Variants in HNF1A observed in about 807,000 individuals in gnomAD.
HNF1A encodes hepatocyte nuclear factor 1-alpha.
HNF1A carries 21 observed loss-of-function variants against 62.2 expected under a neutral mutation model. That is an observed-to-expected ratio of 0.34 (90% CI 0.24 to 0.49). The LOEUF (loss-of-function observed/expected upper bound fraction) is 0.49. HNF1A is among the 20% of genes least tolerant of loss of function. The pLI is 0.99. For missense variants in HNF1A, 687 were observed against 832.3 expected (o/e 0.83, Z 2.15); for synonymous variants, 374 against 366.8 (o/e 1.02, Z -0.22).
rs1167388900 is a variant in HNF1A at position 121,001,732 on chromosome 12, C to T, written c.*540C>T. The T allele has an allele frequency of 5.7e-6, 3 of 528,568 alleles. No homozygotes were observed. Among genetic ancestry groups the T allele is most frequent in the South Asian group, 3.1e-5 (2 of 63,968 alleles). The allele number at this position is 528,568 out of a possible 1,614,324, so 32.7% of individuals were successfully genotyped here. A position where few individuals can be genotyped will look rare whatever the true frequency, so the allele number is the denominator to read the frequency against. On this transcript the variant is annotated 3_prime_UTR_variant, in exon 10 of 10. Transcript: ENST00000257555. ...ACCCACATGCCATTTGTACTGACCC[C>T]ATCACCTACTCACACAGGCATTTCC...
chr12:121,000,969 G>A lies in HNF1A; in HGVS notation c.1769-96G>A, dbSNP rs1214118869. The A allele has an allele frequency of 2.6e-6, 4 of 1,525,544 alleles. No individual in the cohort carries two copies. In the African/African-American group the frequency reaches 4.1e-5, roughly 16 times the overall value. 94.5% of individuals were successfully genotyped at this position (1,525,544 alleles called of 1,614,324 possible). A position where few individuals can be genotyped will look rare whatever the true frequency, so the allele number is the denominator to read the frequency against. On this transcript the variant is annotated intron_variant, in intron 9 of 9. Transcript: ENST00000257555. Reference sequence around the variant, plus strand: ...TTATCTGCTGTGATCCAGGAGGTGTGGCCCTGCCTCCCCATCCTGAGTACC... The same window carrying A: ...TTATCTGCTGTGATCCAGGAGGTGTAGCCCTGCCTCCCCATCCTGAGTACC...
At position 121,001,372 on chromosome 12, in the gene HNF1A, C is replaced by T. The variant is rs560506378; in HGVS notation, c.*180C>T. ...GGGAGGGCTCTGAGGCGCCCCAACC[C>T]GTGGAGGCTGCTCGGGGTGCACAGG... On this transcript the variant is annotated 3_prime_UTR_variant, in exon 10 of 10. Transcript: ENST00000257555. 21 of 741,052 alleles carry T rather than the reference C, an allele frequency of 2.8e-5. No individual in the cohort carries two copies. The highest frequency in any genetic ancestry group is 7.1e-5 in the South Asian group (4 of 56,256). The allele number at this position is 741,052 out of a possible 1,614,324, so 45.9% of individuals were successfully genotyped here. A position where few individuals can be genotyped will look rare whatever the true frequency, so the allele number is the denominator to read the frequency against.
chr12:120,982,326 TC>T (rs1177735885), intron 1 of HNF1A, among the ~76,000 whole-genome samples: 1 of 152,122 alleles, frequency 6.6e-6, no homozygotes, highest in Non-Finnish European at 1.5e-5. Context: ...CGCCTCGGCC[TC>T]CCAAAGTGCT....
rs1876642303 is a variant in HNF1A, at chr12:120,988,472, T to TCATCCATTCACCCATCCATC, written c.327-354_327-335dup. ...TCCGTCCATCCACCCATTCATCCAT[T>TCATCCATTCACCCATCCATC]CATCCATTCACCCATCCATCCATCC... On this transcript the variant is annotated intron_variant, in intron 1 of 9. Coordinates refer to ENST00000257555, the MANE Select transcript of HNF1A (RefSeq NM_000545.8). Among the ~76,000 whole-genome samples the TCATCCATTCACCCATCCATC allele has an allele frequency of 2.4e-4, 36 of 151,960 alleles. 1 individual carries two copies. In the South Asian group the frequency reaches 7.1e-3, roughly 30 times the overall value.
rs761346574 is a variant in HNF1A, at chr12:121,001,214, G to C, written c.*22G>C. ...GTAACCACGGCACCTGGGCCCTGGGGCCTGTACTGCCTGCTTGGGGGGTGA... is the reference window on the plus strand; with the variant it reads ...GTAACCACGGCACCTGGGCCCTGGGCCCTGTACTGCCTGCTTGGGGGGTGA... On this transcript the variant is annotated 3_prime_UTR_variant, in exon 10 of 10. Transcript: ENST00000257555. The C allele has an allele frequency of 3.1e-6, 5 of 1,612,956 alleles. No individual in the cohort carries two copies. The highest frequency in any genetic ancestry group is 2.5e-6 in the Non-Finnish European group (3 of 1,179,716).
At chr12:120,989,101 G>A (rs1025339149) in intron 2 of HNF1A, 69 bp downstream of exon 2, 7 of 1,470,000 alleles carry the variant, frequency 4.8e-6, no homozygotes, top group Non-Finnish European at 6.6e-6. Context: ...CATAGGTGGG[G>A]GCTGGAAGCT....
chr12:120,993,477 TGA>T (rs998679949), intron 2 of HNF1A, 41 bp from the exon 3 acceptor site: 1 of 1,593,570 alleles, frequency 6.3e-7, no homozygotes, highest in African/African-American at 1.3e-5. Context: ...CGTGGGAAGG[TGA>T]GAGTGGCCAG....
At position 120,994,417 on chromosome 12, in the gene HNF1A, G is replaced by A. The variant is rs2135842848; in HGVS notation, c.955+12G>A. Reference sequence around the variant, plus strand: ...CAGTAAGGTCCACGGTAAGTGGTATGTGGGGACAAGGGACACGTGGGAAGG... The same window carrying A: ...CAGTAAGGTCCACGGTAAGTGGTATATGGGGACAAGGGACACGTGGGAAGG... On this transcript the variant is annotated intron_variant, in intron 4 of 9. Transcript: ENST00000257555. The A allele has an allele frequency of 6.3e-7, 1 of 1,582,644 alleles. No individual in the cohort carries two copies. Among genetic ancestry groups the A allele is most frequent in the Non-Finnish European group, 8.6e-7 (1 of 1,162,874 alleles).
intron 1 of HNF1A, among the ~76,000 whole-genome samples, chr12:120,988,579 G>T (rs1876652479): frequency 6.6e-6 from 1 of 152,218 alleles, no homozygotes; most frequent in Non-Finnish European, 1.5e-5. Flanking sequence ...CCATAGGCCT[G>T]TGTCCACGTT....
chr12:120,996,491 G>A lies in HNF1A; in HGVS notation c.1108-50G>A. 6.2e-7 allele frequency: 1 copy of A among 1,613,200 alleles called. No individual in the cohort carries two copies. Among genetic ancestry groups the A allele is most frequent in the Non-Finnish European group, 8.5e-7 (1 of 1,179,766 alleles). On this transcript the variant is annotated intron_variant, in intron 5 of 9. Transcript: ENST00000257555. This position sits in a 1 kb window ranked among gnomAD's most constrained non-coding sequence, Gnocchi z 4.5. ...AGATTCTGGAGCAGTCCCTAGGGAG[G>A]CCCTGTGGGGACCCCGGCCCCCCGG...
At chr12:120,994,038 TG>T in intron 3 of HNF1A, 125 bp from the exon 4 acceptor site, 1 of 1,314,642 alleles carries the variant, frequency 7.6e-7, no homozygotes, top group Non-Finnish European at 1.1e-6. Flanking sequence ...GACCTGGCAT[TG>T]GAACCCAGAT....
rs372624970 is a variant in HNF1A, at chr12:120,999,376, C to T, written c.1610C>T (p.Thr537Met). 16 of 1,614,060 alleles carry T rather than the reference C, an allele frequency of 9.9e-6. No individual in the cohort carries two copies. The highest frequency in any genetic ancestry group is 1.3e-5 in the Non-Finnish European group (15 of 1,180,034). ...AACCTGAGCGCCCTGGCCAGCCTCACGCCCACCAAGCAGGTAAGGTCCAGG... is the reference window on the plus strand; with the variant it reads ...AACCTGAGCGCCCTGGCCAGCCTCATGCCCACCAAGCAGGTAAGGTCCAGG... ...TTNLSALASL[T>M]PTKQVFTSDT... The change falls in exon 8 of 10, where the codon ACG (threonine) becomes ATG (methionine). Residue 537 changes from threonine to methionine, a missense_variant. Physicochemically the swap from Thr to Met is moderately conservative, Grantham distance 81 (BLOSUM62 -1). Coordinates refer to ENST00000257555, the MANE Select transcript of HNF1A (RefSeq NM_000545.8).
chr12:120,993,485 G>A, intron 2 of HNF1A, 35 bp from the exon 3 acceptor site: 1 of 1,608,668 alleles, frequency 6.2e-7, no homozygotes, highest in Non-Finnish European at 8.5e-7. Context: ...GGTGAGAGTG[G>A]CCAGTACCCC....
Position 120,978,712 on chromosome 12 carries a change from T to G in HNF1A, c.-57T>G. On this transcript the variant is annotated 5_prime_UTR_variant, in exon 1 of 10. Transcript: ENST00000257555. Reference sequence around the variant, plus strand: ...CGGCAGGCAAACGCAACCCACGCGGTGGGGGAGGCGGCTAGCGTGGTGGAC... The same window carrying G: ...CGGCAGGCAAACGCAACCCACGCGGGGGGGGAGGCGGCTAGCGTGGTGGAC... 1 of 1,525,120 alleles carries G rather than the reference T, an allele frequency of 6.6e-7. No individual in the cohort carries two copies. Among genetic ancestry groups the G allele is most frequent in the Non-Finnish European group, 9.1e-7 (1 of 1,104,032 alleles). 94.5% of individuals were successfully genotyped at this position (1,525,120 alleles called of 1,614,324 possible).
In HNF1A at chr12:120,996,411, C is replaced by T; in HGVS notation, c.1105C>T (p.Leu369=). 1 of 1,614,218 alleles carries T rather than the reference C, an allele frequency of 6.2e-7. No individual in the cohort carries two copies. Among genetic ancestry groups the T allele is most frequent in the African/African-American group, 1.3e-5 (1 of 75,056 alleles). Residue 369 remains leucine, a splice_region_variant and synonymous_variant, in exon 5 of 10, where the codon CTG becomes TTG. Coordinates refer to ENST00000257555, the MANE Select transcript of HNF1A (RefSeq NM_000545.8). The surrounding 1 kb of genome is among the most constrained non-coding windows in gnomAD (Gnocchi z 4.5). ...SHSLLSTEAK[L]VSAAGGPLPP... Reference sequence around the variant, plus strand: ...CAGCCTGCTGAGTACAGAAGCCAAGCTGGTGAGTGTCCTTGCTTGTAAGGA... The same window carrying T: ...CAGCCTGCTGAGTACAGAAGCCAAGTTGGTGAGTGTCCTTGCTTGTAAGGA...
chr12:120,988,472 T>TCATCCATTCACCCATC (rs1876642110), intron 1 of HNF1A, among the ~76,000 whole-genome samples: 1 of 151,840 alleles, frequency 6.6e-6, no homozygotes, highest in Admixed American at 6.6e-5. Flanking sequence ...ATTCATCCAT[T>TCATCCATTCACCCATC]CATCCATTCA....
intron 1 of HNF1A, among the ~76,000 whole-genome samples, chr12:120,984,708 A>AGGGAGAGAGAGAAGCTG (rs1876424742): frequency 1.3e-5 from 2 of 151,942 alleles, no homozygotes; most frequent in Non-Finnish European, 2.9e-5. Context: ...CCCGGAAAGA[A>AGGGAGAGAGAGAAGCTG]GGGAGAGAGA....
At chr12:120,985,683 A>C (rs1876474048) in intron 1 of HNF1A, among the ~76,000 whole-genome samples, 1 of 151,500 alleles carries the variant, frequency 6.6e-6, no homozygotes, top group South Asian at 2.1e-4. Context: ...AAGAAAAATA[A>C]ATAAATAAAA....
intron 6 of HNF1A, chr12:120,997,069 T>C: frequency 7.1e-7 from 1 of 1,414,722 alleles, no homozygotes. Flanking sequence ...TGAAGAAAAA[T>C]TAAGCCCAGA....
Sources: gnomAD v4.1 joint callset for allele counts (sites outside exome capture counted in the v4.1 genomes callset) on GRCh38, gnomAD v4.1.1 for gene constraint, Gnocchi (gnomAD v3.1) non-coding constraint, MANE v1.5 for transcripts, NCBI Gene and HGNC (gene_info 2026-07-23, HGNC 2026-07-21) for gene names.